The following BBX variants were observed in gnomAD, a reference collection of about 807,000 sequenced individuals.
The protein encoded by BBX is BBX high mobility group box domain containing.
BBX carries 30 observed loss-of-function variants against 100.2 expected under a neutral mutation model. That is an observed-to-expected ratio of 0.30 (90% confidence interval 0.22 to 0.41). The LOEUF is 0.41. Ranked by LOEUF, BBX falls within the 10% of genes least tolerant of loss-of-function variation. The probability of loss-of-function intolerance (pLI) is 1.00; values close to 1 mark genes in which losing one functional copy is unlikely to be tolerated. For synonymous variants in BBX, 376 were observed against 388.1 expected (o/e 0.97, Z 0.37); for missense variants, 1,023 against 1,129.8 (o/e 0.91, Z 1.35).
intron 2 of BBX, among the ~76,000 whole-genome samples, chr3:107,534,765 C>T (rs2048380612): frequency 6.6e-6 from 1 of 152,194 alleles, no homozygotes. Flanking sequence ...GAACCTTTAT[C>T]AGGGCTCTGT....
chr3:107,788,091 C>T (rs1354494560), intron 13 of BBX, among the ~76,000 whole-genome samples: 1 of 152,142 alleles, frequency 6.6e-6, no homozygotes. Context: ...ATTTTTGAGT[C>T]TTCAACCTAT....
At chr3:107,704,033 G>A (rs1467448099) in intron 3 of BBX, among the ~76,000 whole-genome samples, 1 of 152,102 alleles carries the variant, frequency 6.6e-6, no homozygotes, top group Non-Finnish European at 1.5e-5. Context: ...TAAGCATTTG[G>A]GTTCTTTGAG....
chr3:107,612,778 C>G (rs2054936442), intron 2 of BBX, among the ~76,000 whole-genome samples: 1 of 152,190 alleles, frequency 6.6e-6, no homozygotes, highest in South Asian at 2.1e-4. Flanking sequence ...GGCCCTAGGG[C>G]TCCACAGTCA....
At position 107,646,264 on chromosome 3, in the gene BBX, T is replaced by C. The variant is rs535210803; in HGVS notation, c.-10+355T>C. On this transcript the variant is annotated intron_variant, in intron 3 of 17. Coordinates refer to ENST00000325805, the MANE Select transcript of BBX (RefSeq NM_001142568.3). Reference sequence around the variant, plus strand: ...ATTGATCTGTTCCCCAAAAGCTGTTTTTTGTACTGCTGTTGGCTTTAATTG... The same window carrying C: ...ATTGATCTGTTCCCCAAAAGCTGTTCTTTGTACTGCTGTTGGCTTTAATTG... 3.1e-3 allele frequency among the ~76,000 whole-genome samples: 474 copies of C among 152,208 alleles called. 2 individuals carry two copies. Among genetic ancestry groups the C allele is most frequent in the Non-Finnish European group, 5.2e-3 (351 of 67,980 alleles).
chr3:107,748,188 T>TCTG, intron 9 of BBX, 149 bp downstream of exon 9: 1 of 602,392 alleles, frequency 1.7e-6, no homozygotes, highest in Non-Finnish European at 2.7e-6. Context: ...TATTGCTTTT[T>TCTG]CTGCTGCCTT....
intron 10 of BBX, among the ~76,000 whole-genome samples, chr3:107,757,654 A>G (rs995202430): frequency 6.6e-6 from 1 of 152,210 alleles, no homozygotes; most frequent in Non-Finnish European, 1.5e-5. Context: ...AATTAAACTT[A>G]AGTATATGCA....
chr3:107,526,866 C>G (rs190304735), intron 2 of BBX: 1 of 152,400 alleles, frequency 6.6e-6, no homozygotes, highest in East Asian at 1.9e-4. Flanking sequence ...GTGTTTGTAA[C>G]AGTTACTTTT....
chr3:107,549,140 A>C (rs1380200683), intron 2 of BBX, among the ~76,000 whole-genome samples: 1 of 152,316 alleles, frequency 6.6e-6, no homozygotes, highest in African/African-American at 2.4e-5. Context: ...TGAATCAAAA[A>C]GTTTTAAAAA....
chr3:107,761,742 GAGA>G (rs1218354925), intron 10 of BBX, among the ~76,000 whole-genome samples: 2 of 152,142 alleles, frequency 1.3e-5, no homozygotes, highest in East Asian at 3.9e-4. Context: ...GTGGAAAAAG[GAGA>G]AGATTGCTAG....
chr3:107,688,695 T>C (rs1188362216), intron 3 of BBX, among the ~76,000 whole-genome samples: 1 of 152,224 alleles, frequency 6.6e-6, no homozygotes, highest in African/African-American at 2.4e-5. Flanking sequence ...ATATAGGTTT[T>C]ATCTCACCAA....
chr3:107,694,583 T>C lies in BBX; in HGVS notation c.-9-15869T>C, dbSNP rs1361734548. 2.0e-5 allele frequency among the ~76,000 whole-genome samples: 3 copies of C among 148,150 alleles called. No individual in the cohort carries two copies. The East Asian group carries it at 5.9e-4, about 29-fold the overall frequency. ...GTGGATAAGCTTTTTGATGTGCTGC[T>C]GGATTCAGTTTGCCAGTATTTTATT... is the stretch of plus-strand genomic sequence containing the variant. On this transcript the variant is annotated intron_variant, in intron 3 of 17. Transcript: ENST00000325805.
chr3:107,778,259 C>G lies in BBX; in HGVS notation c.2055-112C>G. 6 of 1,315,534 alleles carry G rather than the reference C, an allele frequency of 4.6e-6. No homozygotes were observed. In the Admixed American group the frequency reaches 1.2e-4, roughly 27 times the overall value. 81.5% of individuals were successfully genotyped at this position (1,315,534 alleles called of 1,614,324 possible). On this transcript the variant is annotated intron_variant, in intron 12 of 17. Coordinates refer to ENST00000325805, the MANE Select transcript of BBX (RefSeq NM_001142568.3). ...TTTTCCTTGCACAGAATTTACTTAC[C>G]TAATTCCCAGAGACCCTGTTTTCAA...
chr3:107,701,289 C>G (rs571053429), intron 3 of BBX, among the ~76,000 whole-genome samples: 2 of 152,126 alleles, frequency 1.3e-5, no homozygotes, highest in African/African-American at 2.4e-5. Context: ...CTCTAGGGAA[C>G]GGAAGACCTT....
intron 10 of BBX, among the ~76,000 whole-genome samples, chr3:107,759,837 A>G (rs2065757677): frequency 6.6e-6 from 1 of 152,238 alleles, no homozygotes; most frequent in Non-Finnish European, 1.5e-5. Flanking sequence ...GCTGCAGCAT[A>G]AGCCTAAAAA....
At chr3:107,607,435 A>G (rs2054535343) in intron 2 of BBX, among the ~76,000 whole-genome samples, 1 of 152,024 alleles carries the variant, frequency 6.6e-6, no homozygotes, top group South Asian at 2.1e-4. Flanking sequence ...TGTGTACCAC[A>G]TTTTCTTTGT....
At chr3:107,641,363 G>A (rs2057199674) in intron 2 of BBX, among the ~76,000 whole-genome samples, 1 of 152,134 alleles carries the variant, frequency 6.6e-6, no homozygotes, top group African/African-American at 2.4e-5. Context: ...GGGATTATAG[G>A]CGTCAGCCAC....
rs536391765 is a variant in BBX, at chr3:107,692,370, G to A, written c.-9-18082G>A. 2.3e-3 allele frequency among the ~76,000 whole-genome samples: 305 copies of A among 133,780 alleles called. 1 individual carries two copies. Among genetic ancestry groups the A allele is most frequent in the African/African-American group, 8.0e-3 (289 of 36,062 alleles). 87.8% of individuals were successfully genotyped at this position (133,780 alleles called of 152,430 possible). A position where few individuals can be genotyped will look rare whatever the true frequency, so the allele number is the denominator to read the frequency against. On this transcript the variant is annotated intron_variant, in intron 3 of 17. Transcript: ENST00000325805. ...CTCACCCCACCCCACAACAGTCCCC[G>A]GTGTGTGATGTTCCCCTTCCTGTGT...
chr3:107,797,267 G>A (rs2069774204), intron 15 of BBX, among the ~76,000 whole-genome samples: 1 of 141,694 alleles, frequency 7.1e-6, no homozygotes, highest in Admixed American at 7.4e-5. Flanking sequence ...ATACCAACAA[G>A]TTCATTTTTT....
At chr3:107,545,090 G>A (rs2049136641) in intron 2 of BBX, among the ~76,000 whole-genome samples, 1 of 152,114 alleles carries the variant, frequency 6.6e-6, no homozygotes, top group Non-Finnish European at 1.5e-5. Context: ...TACCTCTGCG[G>A]TTTATTGACA....
Sources: gnomAD v4.1 joint callset for allele counts (sites outside exome capture counted in the v4.1 genomes callset) on GRCh38, gnomAD v4.1.1 for gene constraint, MANE v1.5 for transcripts, NCBI Gene and HGNC (gene_info 2026-07-23, HGNC 2026-07-21) for gene names.